LARGE1: variants seen among roughly 807,000 people sequenced by gnomAD.
LARGE1 encodes the protein LARGE xylosyl- and glucuronyltransferase 1.
In LARGE1, 43 loss-of-function variants were observed where a neutral mutation model predicts 87.6. The ratio of observed to expected loss-of-function variants is 0.49; its 90% confidence interval spans 0.38 to 0.63. LARGE1 has a LOEUF of 0.63. LARGE1 is among the 30% of genes least tolerant of loss of function. The pLI, the probability that LARGE1 is intolerant of heterozygous loss-of-function variation, is 0.00. For synonymous variants in LARGE1, 434 were observed against 394.6 expected (o/e 1.10, Z -1.18); for missense variants, 802 against 1,000.2 (o/e 0.80, Z 2.67).
intron 11 of LARGE1, among the ~76,000 whole-genome samples, chr22:33,260,274 T>C (rs988132742): frequency 6.6e-6 from 1 of 152,094 alleles, no homozygotes; most frequent in Non-Finnish European, 1.5e-5. Flanking sequence ...TGGGGAACGG[T>C]GCGTAACAAA....
At chr22:33,381,709 C>A (rs146217309) in intron 9 of LARGE1, among the ~76,000 whole-genome samples, 1 of 152,100 alleles carries the variant, frequency 6.6e-6, no homozygotes, top group Non-Finnish European at 1.5e-5. Flanking sequence ...CTGGTTCTTA[C>A]GCCAGGAGGC....
At chr22:33,350,701 C>T (rs1326155639) in intron 9 of LARGE1, among the ~76,000 whole-genome samples, 1 of 152,150 alleles carries the variant, frequency 6.6e-6, no homozygotes, top group Non-Finnish European at 1.5e-5. Flanking sequence ...CAGCAGGCAC[C>T]TTCCGTGAGG....
intron 1 of LARGE1, among the ~76,000 whole-genome samples, chr22:33,816,199 G>A (rs2086641890): frequency 6.6e-6 from 1 of 152,172 alleles, no homozygotes; most frequent in Non-Finnish European, 1.5e-5. Context: ...GAACAGGGCA[G>A]GACAGCATCT....
intron 6 of LARGE1, among the ~76,000 whole-genome samples, chr22:33,541,747 TA>T (rs35401796): frequency 3.6e-3 from 490 of 137,546 alleles, no homozygotes; most frequent in Admixed American, 6.0e-3. Context: ...TTCCAAAAAT[TA>T]AAAAAAAAAA....
At chr22:33,303,191 C>T (rs998128370) in intron 12 of LARGE1, among the ~76,000 whole-genome samples, 1 of 152,152 alleles carries the variant, frequency 6.6e-6, no homozygotes, top group Non-Finnish European at 1.5e-5. Context: ...TTCCATTAGC[C>T]GAGTGCTTTC....
chr22:33,249,350 G>A (rs1642691566), intron 11 of LARGE1, among the ~76,000 whole-genome samples: 1 of 152,160 alleles, frequency 6.6e-6, no homozygotes, highest in Non-Finnish European at 1.5e-5. Context: ...TTGGTGAGAT[G>A]TCTGTTAAAG....
At chr22:33,141,194 T>TCA in the LARGE1 span, among the ~76,000 whole-genome samples, 1,410 of 141,770 alleles carry the variant, frequency 9.9e-3, 11 homozygotes, top group Non-Finnish European at 0.014. Context: ...TCTCTCTCTC[T>TCA]CACACACACA....
rs140143603 is a variant in LARGE1 at position 33,818,527 on chromosome 22, T to C, written c.-82-56969A>G. ...GACCTGAGAGAAAGAAGGGGGACTG[T>C]GGCCCTGAGAAGAGCCCTAGAAAAA... is the stretch of plus-strand genomic sequence containing the variant. On this transcript the variant is annotated intron_variant, in intron 1 of 14. Transcript: ENST00000397394. Among the ~76,000 whole-genome samples the C allele has an allele frequency of 2.7e-3, 407 of 152,270 alleles. 2 individuals carry two copies. Among genetic ancestry groups the C allele is most frequent in the Non-Finnish European group, 4.7e-3 (317 of 68,030 alleles).
intron 11 of LARGE1, among the ~76,000 whole-genome samples, chr22:33,186,513 A>G (rs1239050839): frequency 6.6e-6 from 1 of 152,168 alleles, no homozygotes; most frequent in African/African-American, 2.4e-5. Context: ...AAAAAAAGTC[A>G]CATGCAAAAA....
chr22:33,493,305 C>T (rs556607212), intron 6 of LARGE1, among the ~76,000 whole-genome samples: 62 of 151,916 alleles, frequency 4.1e-4, no homozygotes, highest in African/African-American at 2.4e-4. Context: ...GGATTACAGG[C>T]GCGCGCCACT....
intron 1 of LARGE1, among the ~76,000 whole-genome samples, chr22:33,882,029 G>GTTTGT (rs1569009883): frequency 2.2e-5 from 3 of 137,292 alleles, no homozygotes; most frequent in African/African-American, 9.2e-5. Flanking sequence ...GGGTTTTTTT[G>GTTTGT]TTTTTGTTTT....
chr22:33,921,295 A>T (rs1374077977), upstream of LARGE1, among the ~76,000 whole-genome samples: 1 of 152,140 alleles, frequency 6.6e-6, no homozygotes, highest in African/African-American at 2.4e-5. This position sits in a 1 kb window ranked among gnomAD's most constrained non-coding sequence, Gnocchi z 4.1. Context: ...AAAGGGTGCA[A>T]GCTGGGAGCT....
intron 6 of LARGE1, among the ~76,000 whole-genome samples, chr22:33,505,369 C>T (rs542276881): frequency 3.9e-5 from 6 of 152,284 alleles, no homozygotes; most frequent in Non-Finnish European, 5.9e-5. Context: ...ATACCATTAT[C>T]GTAGTAGAGA....
At position 33,577,760 on chromosome 22, in the gene LARGE1, G is replaced by A. The variant is rs922045804; in HGVS notation, c.616-12741C>T. Among the ~76,000 whole-genome samples the A allele has an allele frequency of 2.0e-5, 3 of 152,230 alleles. No homozygotes were observed. In the East Asian group the frequency reaches 5.8e-4, roughly 29 times the overall value. On this transcript the variant is annotated intron_variant, in intron 5 of 14. Transcript: ENST00000397394. Reference sequence around the variant, plus strand: ...CCTTGCAGGTGAGTTTAAACACACGGACAGCAACTTACAAGCAGGCAAAGA... The same window carrying A: ...CCTTGCAGGTGAGTTTAAACACACGAACAGCAACTTACAAGCAGGCAAAGA...
chr22:33,879,736 G>A (rs555210705), intron 1 of LARGE1, among the ~76,000 whole-genome samples: 2 of 152,062 alleles, frequency 1.3e-5, no homozygotes, highest in Non-Finnish European at 2.9e-5. Flanking sequence ...TCCTGTACTC[G>A]CCATAGTGTA....
At chr22:33,203,663 G>A (rs759428281) in intron 11 of LARGE1, among the ~76,000 whole-genome samples, 1 of 152,158 alleles carries the variant, frequency 6.6e-6, no homozygotes, top group East Asian at 1.9e-4. Flanking sequence ...AAAAACCCAC[G>A]AGGAACTGCC....
In LARGE1 at chr22:33,438,696, A is replaced by T. The variant is rs1473780006; in HGVS notation, c.788-6431T>A. Among the ~76,000 whole-genome samples the T allele has an allele frequency of 2.0e-5, 3 of 152,328 alleles. No individual in the cohort carries two copies. The East Asian group carries it at 5.8e-4, about 29-fold the overall frequency. ...AATTCTTCCACACAGTGCATCTGGCATGAAAAGGCTGAGCTGAGCATTCGT... is the reference window on the plus strand; with the variant it reads ...AATTCTTCCACACAGTGCATCTGGCTTGAAAAGGCTGAGCTGAGCATTCGT... On this transcript the variant is annotated intron_variant, in intron 6 of 14. Transcript: ENST00000397394.
At chr22:33,885,487 T>C (rs990011999) in intron 1 of LARGE1, among the ~76,000 whole-genome samples, 1 of 152,250 alleles carries the variant, frequency 6.6e-6, no homozygotes, top group Non-Finnish European at 1.5e-5. Flanking sequence ...GTTTATCTCA[T>C]ATCAGTATCA....
chr22:33,115,983 G>A, the LARGE1 span, among the ~76,000 whole-genome samples: 4 of 152,134 alleles, frequency 2.6e-5, no homozygotes, highest in Non-Finnish European at 4.4e-5. Flanking sequence ...AACTGTGAGC[G>A]AACAAACTTC....
Sources: gnomAD v4.1 joint callset for allele counts (sites outside exome capture counted in the v4.1 genomes callset) on GRCh38, gnomAD v4.1.1 for gene constraint, Gnocchi (gnomAD v3.1) non-coding constraint, MANE v1.5 for transcripts, NCBI Gene and HGNC (gene_info 2026-07-23, HGNC 2026-07-21) for gene names.